Variants in TMEM163 observed in about 807,000 individuals in gnomAD.
The protein encoded by TMEM163 is transmembrane protein 163.
TMEM163 carries 17 observed loss-of-function variants against 29.3 expected under a neutral mutation model. The ratio of observed to expected loss-of-function variants is 0.58; its 90% CI spans 0.40 to 0.87. The LOEUF is 0.87. Ranked by LOEUF, TMEM163 falls within the 40% of genes least tolerant of loss-of-function variation. The probability of loss-of-function intolerance (pLI) is 0.00; values close to 1 mark genes in which losing one functional copy is unlikely to be tolerated. For missense variants in TMEM163, 303 were observed against 381.5 expected (o/e 0.79, Z 1.71); for synonymous variants, 157 against 160.6 (o/e 0.98, Z 0.17).
intron 2 of TMEM163, among the ~76,000 whole-genome samples, chr2:134,554,422 CAAAAAAAAAAAAAAAA>C (rs941286100): frequency 4.7e-5 from 1 of 21,132 alleles, no homozygotes. Context: ...GACCCCATCT[CAAAAAAAAAAAAAAAA>C]AAAAAAAAAA....
At chr2:134,678,262 G>A (rs541861332) in intron 2 of TMEM163, among the ~76,000 whole-genome samples, 12 of 152,322 alleles carry the variant, frequency 7.9e-5, no homozygotes, top group Non-Finnish European at 7.3e-5. Flanking sequence ...AGGGGTGCGA[G>A]CGCCAGGACA....
intron 4 of TMEM163, among the ~76,000 whole-genome samples, chr2:134,503,606 T>C (rs1313823559): frequency 1.3e-5 from 2 of 152,118 alleles, no homozygotes; most frequent in African/African-American, 4.8e-5. Flanking sequence ...TTCCCAATGA[T>C]GAAAAGGAGA....
chr2:134,648,187 G>A (rs1384064200), intron 2 of TMEM163, among the ~76,000 whole-genome samples: 6 of 152,184 alleles, frequency 3.9e-5, no homozygotes, highest in African/African-American at 1.4e-4. Flanking sequence ...TCTTCCCCCA[G>A]AGTCTGGCCA....
At chr2:134,691,437 C>T (rs1280342996) in intron 2 of TMEM163, among the ~76,000 whole-genome samples, 1 of 152,192 alleles carries the variant, frequency 6.6e-6, no homozygotes, top group Non-Finnish European at 1.5e-5. Flanking sequence ...TGATATTTTG[C>T]TTTCCCTCTG....
intron 2 of TMEM163, among the ~76,000 whole-genome samples, chr2:134,693,971 G>A (rs1400181444): frequency 1.3e-5 from 2 of 152,154 alleles, no homozygotes; most frequent in Non-Finnish European, 2.9e-5. Flanking sequence ...TGAGAGTAGA[G>A]GCTCTGAGTC....
At chr2:134,713,766 T>C (rs1428544323) in intron 1 of TMEM163, among the ~76,000 whole-genome samples, 1 of 152,164 alleles carries the variant, frequency 6.6e-6, no homozygotes, top group Non-Finnish European at 1.5e-5. Context: ...ACCAGCACAG[T>C]CCCAACTGGT....
At chr2:134,600,263 G>A (rs1157767670) in intron 2 of TMEM163, among the ~76,000 whole-genome samples, 1 of 152,164 alleles carries the variant, frequency 6.6e-6, no homozygotes, top group African/African-American at 2.4e-5. Flanking sequence ...GGTGAATGTG[G>A]TTGTCATGTG....
chr2:134,573,486 A>G (rs12479434), intron 2 of TMEM163, among the ~76,000 whole-genome samples: 23,494 of 152,192 alleles, frequency 0.15, 4,344 homozygotes, highest in African/African-American at 0.44. Context: ...GGCTTCTAAC[A>G]GGTAGAGGCC....
At chr2:134,617,726 A>C (rs1045294253) in intron 2 of TMEM163, among the ~76,000 whole-genome samples, 1 of 152,206 alleles carries the variant, frequency 6.6e-6, no homozygotes, top group Non-Finnish European at 1.5e-5. Flanking sequence ...ATAGCAAATG[A>C]TAAATGTGAA....
At chr2:134,595,190 T>C (rs1469913442) in intron 2 of TMEM163, among the ~76,000 whole-genome samples, 1 of 152,098 alleles carries the variant, frequency 6.6e-6, no homozygotes, top group African/African-American at 2.4e-5. Context: ...TGTATACATG[T>C]GCCATGTTGG....
rs5834423 is a variant in TMEM163 at position 134,689,110 on chromosome 2, G to GTTTTTT, written c.322+24084_322+24089dup. 4.6e-5 allele frequency among the ~76,000 whole-genome samples: 6 copies of GTTTTTT among 130,920 alleles called. 1 individual carries two copies. Among genetic ancestry groups the GTTTTTT allele is most frequent in the African/African-American group, 8.5e-5 (3 of 35,290 alleles). The allele number at this position is 130,920 out of a possible 152,430, so 85.9% of individuals were successfully genotyped here. The stretch of plus-strand genomic sequence containing the variant: ...ATGGAGTGCCTAAGTTTTTTGTTTT[G>GTTTTTT]TTTTTTTTTTTTTTTTGAGATGGAG... On this transcript the variant is annotated intron_variant, in intron 2 of 7. Transcript: ENST00000281924.
At chr2:134,496,250 C>G (rs1164881629) in intron 5 of TMEM163, among the ~76,000 whole-genome samples, 1 of 152,038 alleles carries the variant, frequency 6.6e-6, no homozygotes, top group Admixed American at 6.5e-5. Context: ...TTAGTAGAGA[C>G]AGGGTTTCAC....
chr2:134,642,739 C>T (rs940406618), intron 2 of TMEM163, among the ~76,000 whole-genome samples: 4 of 151,820 alleles, frequency 2.6e-5, no homozygotes, highest in African/African-American at 9.7e-5. Flanking sequence ...ATTTAGAAAC[C>T]AAACAACACA....
intron 2 of TMEM163, among the ~76,000 whole-genome samples, chr2:134,681,516 ACTCTTT>A (rs1684234135): frequency 1.4e-5 from 2 of 143,712 alleles, no homozygotes; most frequent in African/African-American, 5.2e-5. Context: ...TCTACCCCCC[ACTCTTT>A]CTCTTTCTCT....
chr2:134,624,060 C>G (rs1409761472), intron 2 of TMEM163, among the ~76,000 whole-genome samples: 1 of 152,150 alleles, frequency 6.6e-6, no homozygotes, highest in Non-Finnish European at 1.5e-5. Flanking sequence ...AAGGAAGTCA[C>G]TGGTTGAAGA....
intron 2 of TMEM163, among the ~76,000 whole-genome samples, chr2:134,672,505 C>T (rs1684016050): frequency 2.6e-5 from 4 of 152,108 alleles, no homozygotes; most frequent in South Asian, 4.1e-4. Flanking sequence ...CCTTAGCCTC[C>T]CCAGTAGCTG....
rs73958753 is a variant in TMEM163 at position 134,526,722 on chromosome 2, C to T, written c.459-23725G>A. On this transcript the variant is annotated intron_variant, in intron 4 of 7. Transcript: ENST00000281924. ...TTTACACCCAGCAGGGAAAATAGCCCGGCAATGCAGTGCAGGCTGACAGGT... is the reference window on the plus strand; with the variant it reads ...TTTACACCCAGCAGGGAAAATAGCCTGGCAATGCAGTGCAGGCTGACAGGT... Among the ~76,000 whole-genome samples, 658 of 152,234 alleles carry T rather than the reference C, an allele frequency of 4.3e-3. 6 individuals are homozygous for T. The highest frequency in any genetic ancestry group is 0.015 in the African/African-American group (634 of 41,542).
At chr2:134,527,416 G>A (rs1680319445) in intron 4 of TMEM163, among the ~76,000 whole-genome samples, 1 of 151,934 alleles carries the variant, frequency 6.6e-6, no homozygotes, top group Admixed American at 6.6e-5. Context: ...AAAACCTTCA[G>A]AAAAAAATAC....
intron 2 of TMEM163, among the ~76,000 whole-genome samples, chr2:134,615,651 C>CTTT (rs35159964): frequency 6.7e-4 from 53 of 79,144 alleles, no homozygotes; most frequent in Non-Finnish European, 6.6e-4. Context: ...AAGAGCAGAG[C>CTTT]TTTTTTTTTT....
Sources: allele counts gnomAD v4.1 joint callset (sites outside exome capture counted in the v4.1 genomes callset), GRCh38; gene constraint gnomAD v4.1.1; transcripts MANE v1.5; gene names NCBI Gene and HGNC (gene_info 2026-07-23, HGNC 2026-07-21).